The following MED13L variants were observed in gnomAD, a reference collection of about 807,000 sequenced individuals.
The protein encoded by MED13L is mediator complex subunit 13L, also known as mediator of RNA polymerase II transcription subunit 13-like.
Under a neutral mutation model 220.9 loss-of-function variants are expected in MED13L, and 7 were observed. That is an observed-to-expected ratio of 0.03 (90% confidence interval 0.02 to 0.06). The LOEUF (loss-of-function observed/expected upper bound fraction) is 0.06. MED13L is among the 10% of genes least tolerant of loss of function. The pLI, the probability that MED13L is intolerant of heterozygous loss-of-function variation, is 1.00. For synonymous variants in MED13L, 1,011 were observed against 1,015.2 expected (o/e 1.00, Z 0.08); for missense variants, 1,965 against 2,760.5 (o/e 0.71, Z 6.46).
At chr12:116,097,986 G>A (rs954164389) in intron 3 of MED13L, among the ~76,000 whole-genome samples, 8 of 152,248 alleles carry the variant, frequency 5.3e-5, no homozygotes, top group Middle Eastern at 6.8e-3. Flanking sequence ...GGCTCATGCC[G>A]GTAATCCCAG....
chr12:116,158,648 TGACA>T (rs1878628372), intron 2 of MED13L, among the ~76,000 whole-genome samples: 2 of 152,044 alleles, frequency 1.3e-5, no homozygotes, highest in South Asian at 4.1e-4. Flanking sequence ...ACCAACAAAG[TGACA>T]GACAAAAATT....
intron 23 of MED13L, among the ~76,000 whole-genome samples, chr12:115,979,247 C>CT (rs749538470): frequency 1.2e-4 from 18 of 152,196 alleles, no homozygotes; most frequent in Non-Finnish European, 2.4e-4. Flanking sequence ...TACTCGAAGT[C>CT]TTTTTGCCAT....
At chr12:116,183,869 G>A (rs1285527466) in intron 2 of MED13L, among the ~76,000 whole-genome samples, 3 of 151,100 alleles carry the variant, frequency 2.0e-5, no homozygotes, top group Non-Finnish European at 1.5e-5. Context: ...AAAAATGTGT[G>A]TATATATAGA....
chr12:116,231,767 G>A lies in MED13L; in HGVS notation c.310+5701C>T, dbSNP rs552223024. Among the ~76,000 whole-genome samples the A allele has an allele frequency of 1.2e-4, 18 of 152,210 alleles. No homozygotes were observed. The East Asian group carries it at 3.3e-3, about 28-fold the overall frequency. The stretch of plus-strand genomic sequence containing the variant: ...AAATGCTGAAGTATTTAGGGGCAAA[G>A]GTCCGTGAAGTCTGAAAATTGCCTC... On this transcript the variant is annotated intron_variant, in intron 2 of 30. Coordinates refer to ENST00000281928, the MANE Select transcript of MED13L (RefSeq NM_015335.5).
intron 22 of MED13L, 65 bp from the exon 23 acceptor site, chr12:115,981,003 A>G: frequency 7.1e-7 from 1 of 1,403,562 alleles, no homozygotes; most frequent in Non-Finnish European, 9.8e-7. Context: ...CTAACACACT[A>G]ACAAGCAAGC....
chr12:116,109,498 T>C (rs1873896363), intron 3 of MED13L, among the ~76,000 whole-genome samples: 1 of 152,212 alleles, frequency 6.6e-6, no homozygotes, highest in Admixed American at 6.5e-5. Context: ...TTGTTCGTAT[T>C]CTTCTGAAAG....
chr12:116,220,425 G>A (rs1024399921), intron 2 of MED13L, among the ~76,000 whole-genome samples: 8 of 152,292 alleles, frequency 5.3e-5, no homozygotes, highest in East Asian at 3.9e-4. Flanking sequence ...AGGGCCGGAC[G>A]TGGTGACTCA....
In MED13L at chr12:116,031,803, A is replaced by AAGGAAGGAAG. The variant is rs1566021046; in HGVS notation, c.480-9203_480-9202insCTTCCTTCCT. Among the ~76,000 whole-genome samples, 156 of 89,600 alleles carry AAGGAAGGAAG rather than the reference A, an allele frequency of 1.7e-3. 2 individuals are homozygous for AAGGAAGGAAG. The highest frequency in any genetic ancestry group is 5.3e-3 in the African/African-American group (140 of 26,176). The allele number at this position is 89,600 out of a possible 152,430, so 58.8% of individuals were successfully genotyped here. On this transcript the variant is annotated intron_variant, in intron 4 of 30. Transcript: ENST00000281928. ...AGGAAGGAAGGAAGGAAGGAAGGAAAGAAAGAGAGAAAGAAAAAAAGAAAG... is the reference window on the plus strand; with the variant it reads ...AGGAAGGAAGGAAGGAAGGAAGGAAAAGGAAGGAAGGAAAGAGAGAAAGAAAAAAAGAAAG...
chr12:115,964,922 GCAGA>G (rs1216003380), intron 29 of MED13L, among the ~76,000 whole-genome samples: 1 of 152,022 alleles, frequency 6.6e-6, no homozygotes, highest in Non-Finnish European at 1.5e-5. Flanking sequence ...AGCTTTTTCA[GCAGA>G]CAGAGCTAAA....
intron 1 of MED13L, among the ~76,000 whole-genome samples, chr12:116,258,772 T>C (rs1319151782): frequency 1.6e-5 from 2 of 125,204 alleles, no homozygotes; most frequent in African/African-American, 3.1e-5. Flanking sequence ...TGAGACTCCA[T>C]CTCAGAAAAA....
chr12:115,997,902 C>G (rs1467601560), intron 14 of MED13L, among the ~76,000 whole-genome samples: 2 of 152,170 alleles, frequency 1.3e-5, no homozygotes, highest in Non-Finnish European at 2.9e-5. Flanking sequence ...AAAGTTCTAT[C>G]CCTGCTTTCA....
intron 25 of MED13L, among the ~76,000 whole-genome samples, chr12:115,973,234 G>A (rs543837930): frequency 6.1e-4 from 93 of 152,282 alleles, no homozygotes; most frequent in African/African-American, 2.1e-3. Context: ...AAGGCAGTGT[G>A]TATTTCATCA....
chr12:116,029,172 A>G (rs1180615372), intron 4 of MED13L, among the ~76,000 whole-genome samples: 2 of 151,718 alleles, frequency 1.3e-5, no homozygotes, highest in Non-Finnish European at 2.9e-5. Context: ...TAAAAGAAAT[A>G]AATAAGGAAC....
intron 2 of MED13L, among the ~76,000 whole-genome samples, chr12:116,199,768 T>A (rs1881882221): frequency 6.6e-6 from 1 of 151,862 alleles, no homozygotes; most frequent in Non-Finnish European, 1.5e-5. Flanking sequence ...TCTCCACCCC[T>A]CAAGAAATAA....
intron 2 of MED13L, among the ~76,000 whole-genome samples, chr12:116,120,467 TCTCTCTCTCTCACACACACACACACA>T (rs1283288646): frequency 2.2e-5 from 3 of 136,838 alleles, no homozygotes; most frequent in Non-Finnish European, 4.7e-5. Context: ...TCTCTCTCTC[TCTCTCTCTCTCACACACACACACACA>T]CACACACACA....
intron 4 of MED13L, among the ~76,000 whole-genome samples, chr12:116,079,856 G>C (rs1439258398): frequency 1.3e-5 from 2 of 152,062 alleles, no homozygotes. Flanking sequence ...ATAAACAAAA[G>C]CATCCTGGGG....
At position 116,267,336 on chromosome 12, in the gene MED13L, A is replaced by T. The variant is rs897365155; in HGVS notation, c.72+9724T>A. On this transcript the variant is annotated intron_variant, in intron 1 of 30. Transcript: ENST00000281928. Reference sequence around the variant, plus strand: ...GCTTATTTACGAGGAAAGACACAAGAACAATTTAATCCTCTGCTCCCTAGA... The same window carrying T: ...GCTTATTTACGAGGAAAGACACAAGTACAATTTAATCCTCTGCTCCCTAGA... Among the ~76,000 whole-genome samples, 11 of 152,362 alleles carry T rather than the reference A, an allele frequency of 7.2e-5. No individual in the cohort carries two copies. The East Asian group carries it at 2.1e-3, about 29-fold the overall frequency.
intron 3 of MED13L, among the ~76,000 whole-genome samples, chr12:116,106,800 C>T (rs1304367293): frequency 1.3e-5 from 2 of 149,996 alleles, no homozygotes; most frequent in Non-Finnish European, 1.5e-5. Context: ...GAGCCAAGAT[C>T]GCGCCACTGC....
At chr12:116,005,094 C>T (rs1183598059) in intron 13 of MED13L, among the ~76,000 whole-genome samples, 1 of 152,130 alleles carries the variant, frequency 6.6e-6, no homozygotes, top group Admixed American at 6.5e-5. Context: ...AATTAACCTT[C>T]AAACAATTAA....
Sources: gnomAD v4.1 joint callset for allele counts (sites outside exome capture counted in the v4.1 genomes callset) on GRCh38, gnomAD v4.1.1 for gene constraint, MANE v1.5 for transcripts, NCBI Gene and HGNC (gene_info 2026-07-23, HGNC 2026-07-21) for gene names.